SNCAIP: variants seen among roughly 807,000 people sequenced by gnomAD.
SNCAIP encodes the protein synuclein alpha interacting protein, also known as synphilin-1.
SNCAIP carries 43 observed loss-of-function variants against 86.7 expected under a neutral mutation model. That is an observed-to-expected ratio of 0.50 (90% CI 0.39 to 0.64). The LOEUF is 0.64. Ranked by LOEUF, SNCAIP falls within the 30% of genes least tolerant of loss-of-function variation. The probability of loss-of-function intolerance (pLI) is 0.00; values close to 1 mark genes in which losing one functional copy is unlikely to be tolerated. For missense variants in SNCAIP, 981 were observed against 1,103.1 expected (o/e 0.89, Z 1.57); for synonymous variants, 417 against 427.2 (o/e 0.98, Z 0.29).
intron 1 of SNCAIP, among the ~76,000 whole-genome samples, chr5:122,355,482 A>G (rs1284209371): frequency 6.6e-6 from 1 of 152,240 alleles, no homozygotes; most frequent in African/African-American, 2.4e-5. Context: ...AATTGTGTCT[A>G]GTCAGAAGGA....
intron 1 of SNCAIP, among the ~76,000 whole-genome samples, chr5:122,378,368 C>T (rs1255352642): frequency 7.6e-6 from 1 of 132,294 alleles, no homozygotes; most frequent in Non-Finnish European, 1.6e-5. Context: ...ATGTCCTTCG[C>T]CCACTTTTTG....
chr5:122,386,968 G>C (rs527317368), intron 1 of SNCAIP, among the ~76,000 whole-genome samples: 18 of 152,272 alleles, frequency 1.2e-4, no homozygotes, highest in African/African-American at 4.3e-4. Flanking sequence ...GTGCTGTGGG[G>C]AGAGGGGCTT....
chr5:122,421,964 A>G (rs1359760970), intron 3 of SNCAIP, among the ~76,000 whole-genome samples: 1 of 151,050 alleles, frequency 6.6e-6, no homozygotes, highest in Non-Finnish European at 1.5e-5. Flanking sequence ...ACTTACTCAA[A>G]TGCAAACCAA....
At position 122,463,290 on chromosome 5, in the gene SNCAIP, T is replaced by C. The variant is rs937398960; in HGVS notation, c.2755-201T>C. Among the ~76,000 whole-genome samples the C allele has an allele frequency of 3.3e-5, 5 of 152,344 alleles. No individual in the cohort carries two copies. In the East Asian group the frequency reaches 7.7e-4, roughly 23 times the overall value. Reference sequence around the variant, plus strand: ...AGTTAAAGAGTGTTTAGTAACTGTGTGTTATTACATGACTATTGCTTTCAT... The same window carrying C: ...AGTTAAAGAGTGTTTAGTAACTGTGCGTTATTACATGACTATTGCTTTCAT... On this transcript the variant is annotated intron_variant, in intron 10 of 10. Transcript: ENST00000261368.
At position 122,463,434 on chromosome 5, in the gene SNCAIP, C is replaced by G. The variant is rs1786963884; in HGVS notation, c.2755-57C>G. On this transcript the variant is annotated intron_variant, in intron 10 of 10. Transcript: ENST00000261368. ...TTGGTGAGCTGTTTAGTGGTATTGTCTTGTAACTTGACCATAGTTTTATCT... is the reference window on the plus strand; with the variant it reads ...TTGGTGAGCTGTTTAGTGGTATTGTGTTGTAACTTGACCATAGTTTTATCT... 7.9e-6 allele frequency: 8 copies of G among 1,017,676 alleles called. 1 individual carries two copies. The Middle Eastern group carries it at 6.1e-4, about 78-fold the overall frequency. 63.0% of individuals were successfully genotyped at this position (1,017,676 alleles called of 1,614,324 possible). A position where few individuals can be genotyped will look rare whatever the true frequency, so the allele number is the denominator to read the frequency against.
At chr5:122,338,961 G>A (rs181480847) in intron 1 of SNCAIP, among the ~76,000 whole-genome samples, 22 of 152,212 alleles carry the variant, frequency 1.4e-4, no homozygotes, top group Admixed American at 5.9e-4. Flanking sequence ...ATAATGGGGG[G>A]TAGGGCAAGA....
chr5:122,382,887 C>T (rs1461741005), intron 1 of SNCAIP, among the ~76,000 whole-genome samples: 1 of 152,252 alleles, frequency 6.6e-6, no homozygotes, highest in East Asian at 1.9e-4. Context: ...CTTGAGGAGG[C>T]AGTCTGCCCG....
chr5:122,431,501 T>A (rs1345678557), intron 5 of SNCAIP, among the ~76,000 whole-genome samples: 1 of 152,102 alleles, frequency 6.6e-6, no homozygotes, highest in African/African-American at 2.4e-5. Flanking sequence ...CACAAGAGTA[T>A]ATACACTAAT....
chr5:122,319,230 TA>T (rs199924468), intron 1 of SNCAIP, among the ~76,000 whole-genome samples: 2,103 of 144,018 alleles, frequency 0.015, 33 homozygotes, highest in African/African-American at 0.038. Context: ...ATCAATCCTA[TA>T]AAAAAAAAAA....
chr5:122,321,007 T>C (rs1166238915), intron 1 of SNCAIP, among the ~76,000 whole-genome samples: 1 of 152,128 alleles, frequency 6.6e-6, no homozygotes, highest in Non-Finnish European at 1.5e-5. Flanking sequence ...CCACTCACCC[T>C]CTTGCCCTGA....
At chr5:122,371,824 A>G (rs1180754736) in intron 1 of SNCAIP, 2 of 152,230 alleles carry the variant, frequency 1.3e-5, no homozygotes, top group Non-Finnish European at 2.9e-5. Context: ...TTAAAATTGT[A>G]AAGAATAACA....
At chr5:122,364,697 T>C (rs1762811775) in intron 1 of SNCAIP, among the ~76,000 whole-genome samples, 1 of 152,250 alleles carries the variant, frequency 6.6e-6, no homozygotes, top group South Asian at 2.1e-4. Context: ...GTTGCTTTCA[T>C]GTAAAAATTT....
intron 3 of SNCAIP, among the ~76,000 whole-genome samples, chr5:122,405,911 T>G (rs1303424998): frequency 6.6e-6 from 1 of 152,160 alleles, no homozygotes; most frequent in Non-Finnish European, 1.5e-5. Context: ...GTTTCAAACT[T>G]AGAAGCTTTT....
At chr5:122,322,733 A>G (rs1753222194) in intron 1 of SNCAIP, among the ~76,000 whole-genome samples, 1 of 152,204 alleles carries the variant, frequency 6.6e-6, no homozygotes, top group Admixed American at 6.5e-5. Flanking sequence ...TAATTCCACA[A>G]AGTAAAATCT....
intron 8 of SNCAIP, among the ~76,000 whole-genome samples, chr5:122,448,453 A>T (rs1782799540): frequency 6.6e-6 from 1 of 151,738 alleles, no homozygotes; most frequent in Admixed American, 6.6e-5. Flanking sequence ...TGAGAAGCAT[A>T]GCAAGACTCT....
chr5:122,345,116 T>C (rs1460512161), intron 1 of SNCAIP, among the ~76,000 whole-genome samples: 2 of 152,220 alleles, frequency 1.3e-5, no homozygotes, highest in Non-Finnish European at 2.9e-5. Context: ...TGAAATTTTA[T>C]ATGACAAGAA....
intron 6 of SNCAIP, among the ~76,000 whole-genome samples, chr5:122,432,829 C>A (rs1333866882): frequency 2.6e-4 from 39 of 151,920 alleles, no homozygotes; most frequent in Non-Finnish European, 4.4e-5. Context: ...AAACTGGAAC[C>A]ACAAAATACC....
At chr5:122,416,071 G>A (rs374210101) in intron 3 of SNCAIP, among the ~76,000 whole-genome samples, 1 of 152,340 alleles carries the variant, frequency 6.6e-6, no homozygotes, top group East Asian at 1.9e-4. Context: ...CTGATTTCGT[G>A]ATGGAATATG....
Position 122,403,967 on chromosome 5 carries a change from T to C in SNCAIP, c.130+102T>C, listed in dbSNP as rs1772413644. ...CTGGTCCCCCCTGCTTTCAGTTTTC[T>C]TTTCTCTTTACGGCTTCTCCACTCA... On this transcript the variant is annotated intron_variant, in intron 3 of 10. Coordinates refer to ENST00000261368, the MANE Select transcript of SNCAIP (RefSeq NM_005460.4). The C allele has an allele frequency of 2.3e-6, 2 of 878,396 alleles. 1 individual carries two copies. Among genetic ancestry groups the C allele is most frequent in the South Asian group, 2.7e-5 (2 of 73,274 alleles). The allele number at this position is 878,396 out of a possible 1,614,324, so 54.4% of individuals were successfully genotyped here.
Sources: allele counts gnomAD v4.1 joint callset (sites outside exome capture counted in the v4.1 genomes callset), GRCh38; gene constraint gnomAD v4.1.1; transcripts MANE v1.5; gene names NCBI Gene and HGNC (gene_info 2026-07-23, HGNC 2026-07-21).